The following ADAM8 variants were observed in gnomAD, a reference collection of about 807,000 sequenced individuals.
ADAM8 encodes the protein disintegrin and metalloproteinase domain-containing protein 8.
Under a neutral mutation model 102.4 loss-of-function variants are expected in ADAM8, and 104 were observed. The observed-to-expected ratio is 1.02, with a 90% CI of 0.87 to 1.20. The LOEUF (loss-of-function observed/expected upper bound fraction) is 1.20. Ranked by LOEUF, ADAM8 falls within the 50% of genes most tolerant of loss-of-function variation. ADAM8 has a pLI of 0.00. For synonymous variants in ADAM8, 517 were observed against 485.2 expected (o/e 1.07, Z -0.86); for missense variants, 1,132 against 1,159.0 (o/e 0.98, Z 0.34).
intron 2 of ADAM8, chr10:133,274,902 G>A (rs1025186204): frequency 2.3e-5 from 10 of 434,056 alleles, no homozygotes; most frequent in Non-Finnish European, 3.3e-5. Context: ...CTGTGCCACC[G>A]GCTGGATGAG....
intron 21 of ADAM8, 191 bp from the exon 22 acceptor site, chr10:133,263,956 G>A: frequency 4.3e-6 from 2 of 464,086 alleles, no homozygotes; most frequent in South Asian, 3.8e-5. Flanking sequence ...CAGGAATAAA[G>A]CCCATCAGTG....
At chr10:133,266,052 G>A (rs1278769032) in intron 21 of ADAM8, among the ~76,000 whole-genome samples, 1 of 152,198 alleles carries the variant, frequency 6.6e-6, no homozygotes, top group Non-Finnish European at 1.5e-5. Flanking sequence ...CCAGGCCTGG[G>A]CTGTGCCTGG....
In ADAM8 at chr10:133,270,499, C is replaced by T. The variant is rs1251710289; in HGVS notation, c.1646G>A (p.Cys549Tyr). The T allele has an allele frequency of 1.6e-5, 25 of 1,593,922 alleles. No homozygotes were observed. Among genetic ancestry groups the T allele is most frequent in the Admixed American group, 1.5e-4 (9 of 59,404 alleles). The change falls in exon 16 of 23, where the codon TGT becomes TAT. Residue 549 changes from cysteine (C) to tyrosine (Y), a missense_variant. Cys to Tyr is a radical substitution (Grantham distance 194). Coordinates refer to ENST00000445355, the MANE Select transcript of ADAM8 (RefSeq NM_001109.5). ...CKASRYRADM[C>Y]GVLQCKGGQQ... ...CCCACCCTTGCACTGCAGAACGCCACACATGTCAGCCCTGTGGATGGACGG... is the reference window on the plus strand; with the variant it reads ...CCCACCCTTGCACTGCAGAACGCCATACATGTCAGCCCTGTGGATGGACGG...
At chr10:133,271,744 C>T (rs770620525) in intron 11 of ADAM8, 39 bp from the exon 12 acceptor site, 7 of 1,595,462 alleles carry the variant, frequency 4.4e-6, no homozygotes, top group Non-Finnish European at 6.0e-6. Flanking sequence ...GCGGCCTGGC[C>T]CCTTCCCCAC....
rs749285015 is a variant in ADAM8 at position 133,269,497 on chromosome 10, G to A, written c.1896C>T (p.His632=). 5.6e-6 allele frequency: 9 copies of A among 1,599,098 alleles called. No individual in the cohort carries two copies. Among genetic ancestry groups the A allele is most frequent in the South Asian group, 3.3e-5 (3 of 90,264 alleles). Residue 632 remains histidine (H), a synonymous_variant, in exon 18 of 23, where the codon CAC becomes CAT. Transcript: ENST00000445355. ...CGCAGTGGGGCGGGGCCCAGCCCGC[G>A]TGGCAGTGGCACTCCTGCTTGTGGT... ...VCNHKQECHC[H]AGWAPPHCAK...
In ADAM8 at chr10:133,268,840, G is replaced by A. The variant is rs1250187140; in HGVS notation, c.1971C>T (p.Phe657=). 23 of 1,609,338 alleles carry A rather than the reference G, an allele frequency of 1.4e-5. No homozygotes were observed. Among genetic ancestry groups the A allele is most frequent in the Non-Finnish European group, 1.8e-5 (21 of 1,179,880 alleles). Residue 657 remains phenylalanine (F), a synonymous_variant, in exon 19 of 23, where the codon TTC becomes TTT. Transcript: ENST00000445355. ...VHAASGSLPV[F]VVVVLVLLAV... ...CCAGGAGCACCAGAACCACCACCAC[G>A]AAGACGGGGAGGCTCCCGGACGCTG...
In ADAM8 at chr10:133,276,857, G is replaced by C. The variant is rs1011109397; in HGVS notation, c.-40C>G. On this transcript the variant is annotated 5_prime_UTR_variant, in exon 1 of 23. Transcript: ENST00000445355. The stretch of plus-strand genomic sequence containing the variant: ...GCAGAGGCGGAGGTGACAGCCCCGC[G>C]GGACACGGTCTGGTTCCTGCGCTCC... 6.6e-7 allele frequency: 1 copy of C among 1,511,906 alleles called. No homozygotes were observed. Among genetic ancestry groups the C allele is most frequent in the Non-Finnish European group, 8.8e-7 (1 of 1,134,838 alleles). 93.7% of individuals were successfully genotyped at this position (1,511,906 alleles called of 1,614,324 possible). A position where few individuals can be genotyped will look rare whatever the true frequency, so the allele number is the denominator to read the frequency against.
chr10:133,275,557 A>T lies in ADAM8; in HGVS notation c.77T>A (p.Met26Lys), dbSNP rs1192074928. 1.3e-6 allele frequency: 2 copies of T among 1,503,170 alleles called. No individual in the cohort carries two copies. The highest frequency in any genetic ancestry group is 1.8e-6 in the Non-Finnish European group (2 of 1,129,206). The allele number at this position is 1,503,170 out of a possible 1,614,324, so 93.1% of individuals were successfully genotyped here. ...CGGCAACACGACCTCATACTGCTCC[A>T]TGAGGGCCCAGGGCCGGCTGGGGGC... is the stretch of plus-strand genomic sequence containing the variant. Reference protein sequence around the residue: ...AIAPSRPWALMEQYEVVLPWR... With the variant: ...AIAPSRPWALKEQYEVVLPWR... The change falls in exon 2 of 23, where the codon ATG becomes AAG. Residue 26 changes from methionine (M) to lysine (K), a missense_variant. Physicochemically the swap from Met to Lys is moderately conservative, Grantham distance 95 (BLOSUM62 -1). Coordinates refer to ENST00000445355, the MANE Select transcript of ADAM8 (RefSeq NM_001109.5).
At chr10:133,274,917 G>A in intron 2 of ADAM8, 1 of 428,606 alleles carries the variant, frequency 2.3e-6, no homozygotes, top group Non-Finnish European at 4.7e-6. Flanking sequence ...GATGAGCCCA[G>A]GGCAGCGGGC....
intron 6 of ADAM8, 29 bp from the exon 7 acceptor site, chr10:133,273,048 G>C: frequency 6.2e-7 from 1 of 1,612,680 alleles, no homozygotes; most frequent in South Asian, 1.1e-5. Context: ...AAGCCAGTCA[G>C]CCTTCCCAGC....
chr10:133,267,279 G>A lies in ADAM8; in HGVS notation c.2319+73C>T, dbSNP rs909007746. ...GGGGATCCCTGGCCCCCGGTGCAGTGCACAGACCCCAATCCCATCAGGAAG... is the reference window on the plus strand; with the variant it reads ...GGGGATCCCTGGCCCCCGGTGCAGTACACAGACCCCAATCCCATCAGGAAG... On this transcript the variant is annotated intron_variant, in intron 21 of 22. Coordinates refer to ENST00000445355, the MANE Select transcript of ADAM8 (RefSeq NM_001109.5). The A allele has an allele frequency of 5.9e-5, 89 of 1,500,466 alleles. No individual in the cohort carries two copies. The Admixed American group carries it at 1.7e-3, about 28-fold the overall frequency. The allele number at this position is 1,500,466 out of a possible 1,614,324, so 92.9% of individuals were successfully genotyped here.
Position 133,271,881 on chromosome 10 carries a change from T to C in ADAM8, c.1031A>G (p.His344Arg). The change falls in exon 11 of 23, where the codon CAT becomes CGT. Residue 344 changes from histidine (H) to arginine (R), a missense_variant. His to Arg is a conservative substitution (Grantham distance 29). Transcript: ENST00000445355. ...HEMGHNLGMD[H>R]DENVQGCRCQ... ...GCGGCAGCCCTGGACGTTCTCATCA[T>C]GGTCCATGCCCAGGTTGTGGCCCAT... 6.2e-7 allele frequency: 1 copy of C among 1,612,768 alleles called. No homozygotes were observed. The highest frequency in any genetic ancestry group is 2.2e-5 in the East Asian group (1 of 44,876).
rs1846378210 is a variant in ADAM8, at chr10:133,267,952, C to T, written c.2230G>A (p.Ala744Thr). 2 of 1,261,290 alleles carry T rather than the reference C, an allele frequency of 1.6e-6. No homozygotes were observed. The highest frequency in any genetic ancestry group is 2.0e-6 in the Non-Finnish European group (2 of 996,784). The allele number at this position is 1,261,290 out of a possible 1,614,324, so 78.1% of individuals were successfully genotyped here. Residue 744 changes from alanine to threonine, a missense_variant, in exon 20 of 23, where the codon GCT becomes ACT. Coordinates refer to ENST00000445355, the MANE Select transcript of ADAM8 (RefSeq NM_001109.5). Reference protein sequence around the residue: ...QPARHPASSVALKRPPPAPPV... With the variant: ...QPARHPASSVTLKRPPPAPPV... ...ACAGCAGGGGGCGGCCTCTTCAGAG[C>T]CACCGAGGAGGCCGGGTGTCGGGCG...
intron 20 of ADAM8, 73 bp downstream of exon 20, chr10:133,267,856 C>G: frequency 8.1e-7 from 1 of 1,228,188 alleles, no homozygotes; most frequent in Non-Finnish European, 1.0e-6. Context: ...TGGCCTCGGG[C>G]TGCACTTGGG....
intron 18 of ADAM8, 100 bp from the exon 19 acceptor site, chr10:133,268,962 T>A: frequency 1.3e-6 from 2 of 1,513,450 alleles, no homozygotes; most frequent in South Asian, 2.5e-5. Flanking sequence ...ACCCCCAGGC[T>A]GTGCCCTGTG....
At chr10:133,275,123 C>T (rs576461166) in intron 2 of ADAM8, 4 of 324,228 alleles carry the variant, frequency 1.2e-5, no homozygotes, top group East Asian at 1.8e-4. Context: ...GGGAAACCCC[C>T]GCCAGGCCCC....
chr10:133,275,796 T>C, intron 1 of ADAM8: 1 of 510,454 alleles, frequency 2.0e-6, no homozygotes, highest in Admixed American at 4.3e-5. Flanking sequence ...GCCTGTGTCC[T>C]GCAGCACCCA....
At chr10:133,268,215 G>A in intron 19 of ADAM8, 97 bp from the exon 20 acceptor site, 1 of 1,100,440 alleles carries the variant, frequency 9.1e-7, no homozygotes, top group Non-Finnish European at 1.2e-6. Flanking sequence ...CGACCCGAGA[G>A]GCTTCAGGGC....
At position 133,270,962 on chromosome 10, in the gene ADAM8, C is replaced by T. The variant is rs758170777; in HGVS notation, c.1483G>A (p.Gly495Ser). ...CAGTAGCCCCCGGAGCAGGGCGTGC[C>T]GTTCTCCTGGAAGGCGTCTTCCGGG... Reference protein sequence around the residue: ...ECPEDAFQENGTPCSGGYCYN... With the variant: ...ECPEDAFQENSTPCSGGYCYN... The change falls in exon 14 of 23, where the codon GGC becomes AGC. Residue 495 changes from glycine (G) to serine (S), a missense_variant. Physicochemically the swap from Gly to Ser is moderately conservative, Grantham distance 56. Transcript: ENST00000445355. The T allele has an allele frequency of 1.6e-5, 25 of 1,612,730 alleles. No individual in the cohort carries two copies. The highest frequency in any genetic ancestry group is 1.6e-4 in the Middle Eastern group (1 of 6,082).
Sources: allele counts gnomAD v4.1 joint callset (sites outside exome capture counted in the v4.1 genomes callset), GRCh38; gene constraint gnomAD v4.1.1; transcripts MANE v1.5; gene names NCBI Gene and HGNC (gene_info 2026-07-23, HGNC 2026-07-21).